Variants in CELF4 observed in about 807,000 individuals in gnomAD.
CELF4 encodes CUGBP Elav-like family member 4, also known as CUG-BP- and ETR-3-like factor 4.
Under a neutral mutation model 59.9 loss-of-function variants are expected in CELF4, and 18 were observed. The ratio of observed to expected loss-of-function variants is 0.30; its 90% CI spans 0.21 to 0.45. CELF4 has a LOEUF of 0.45. CELF4 is among the 20% of genes least tolerant of loss of function. The probability of loss-of-function intolerance (pLI) is 1.00; values close to 1 mark genes in which losing one functional copy is unlikely to be tolerated. For synonymous variants in CELF4, 261 were observed against 267.1 expected (o/e 0.98, Z 0.22); for missense variants, 456 against 689.0 (o/e 0.66, Z 3.79).
chr18:37,485,638 C>T, intron 1 of CELF4, 31 bp from the exon 2 acceptor site: 1 of 1,354,884 alleles, frequency 7.4e-7, no homozygotes, highest in Non-Finnish European at 9.6e-7. Context: ...CAAGAAGGGT[C>T]AGTGGGGCGC....
At chr18:37,541,875 A>C (rs1357314978) in intron 1 of CELF4, among the ~76,000 whole-genome samples, 1 of 152,146 alleles carries the variant, frequency 6.6e-6, no homozygotes, top group Non-Finnish European at 1.5e-5. Flanking sequence ...GGCCCCAGTC[A>C]TGCCTCATCC....
intron 2 of CELF4, among the ~76,000 whole-genome samples, chr18:37,355,016 G>A (rs1020847664): frequency 2.6e-5 from 4 of 152,216 alleles, no homozygotes; most frequent in African/African-American, 7.2e-5. Context: ...AGTTGATCAC[G>A]TGTGTGCCTA....
At chr18:37,343,447 T>TA (rs1458189808) in intron 2 of CELF4, among the ~76,000 whole-genome samples, 5 of 149,744 alleles carry the variant, frequency 3.3e-5, no homozygotes, top group Admixed American at 6.7e-5. Context: ...CCTGAAATCT[T>TA]AGAGGGCGCA....
chr18:37,305,806 A>C (rs2096362902), intron 3 of CELF4: 1 of 152,230 alleles, frequency 6.6e-6, no homozygotes, highest in Non-Finnish European at 1.5e-5. Context: ...GGGGGCTACT[A>C]AGGTAGGTTG....
At chr18:37,369,124 C>T (rs1465430052) in intron 2 of CELF4, among the ~76,000 whole-genome samples, 1 of 152,214 alleles carries the variant, frequency 6.6e-6, no homozygotes, top group Admixed American at 6.5e-5. Context: ...CCCCCAGGCC[C>T]TCCCATTAGC....
chr18:37,492,258 C>T (rs1053483740), intron 1 of CELF4, among the ~76,000 whole-genome samples: 1 of 152,112 alleles, frequency 6.6e-6, no homozygotes, highest in Non-Finnish European at 1.5e-5. Flanking sequence ...GAAGGGGCTC[C>T]CTGAAGGCCC....
At chr18:37,476,083 G>A (rs1450049195) in intron 2 of CELF4, among the ~76,000 whole-genome samples, 3 of 152,214 alleles carry the variant, frequency 2.0e-5, no homozygotes, top group Admixed American at 6.5e-5. Context: ...ATCCCCACTC[G>A]CATCATTGTT....
In CELF4 at chr18:37,243,167, C is replaced by CTTTTTTTT. The variant is rs150327345; in HGVS notation, c.*2067_*2074dup. 1.7e-5 allele frequency: 2 copies of CTTTTTTTT among 115,460 alleles called. No homozygotes were observed. The highest frequency in any genetic ancestry group is 3.9e-5 in the Non-Finnish European group (2 of 51,644). 7.2% of individuals were successfully genotyped at this position (115,460 alleles called of 1,614,324 possible). A position where few individuals can be genotyped will look rare whatever the true frequency, so the allele number is the denominator to read the frequency against. On this transcript the variant is annotated 3_prime_UTR_variant, in exon 13 of 13. Coordinates refer to ENST00000420428, the MANE Select transcript of CELF4 (RefSeq NM_020180.4). The stretch of plus-strand genomic sequence containing the variant: ...AGTTGTACTGAACTGCAGCTGTTTT[C>CTTTTTTTT]TTTTTTTTTTCTTTTTTTCTTTTTT...
At chr18:37,525,408 C>T (rs774546403) in intron 1 of CELF4, among the ~76,000 whole-genome samples, 3 of 152,158 alleles carry the variant, frequency 2.0e-5, no homozygotes, top group Non-Finnish European at 4.4e-5. Flanking sequence ...GTGCTCCTGG[C>T]GCCCTTCGGG....
At chr18:37,500,664 G>T (rs1013936944) in intron 1 of CELF4, among the ~76,000 whole-genome samples, 2 of 151,702 alleles carry the variant, frequency 1.3e-5, no homozygotes, top group Non-Finnish European at 1.5e-5. Context: ...CTCCCGAGTA[G>T]TTGGGACTAC....
chr18:37,266,046 T>A (rs528754263), intron 9 of CELF4, among the ~76,000 whole-genome samples: 1 of 152,226 alleles, frequency 6.6e-6, no homozygotes, highest in African/African-American at 2.4e-5. Flanking sequence ...TGGGGCCCCA[T>A]CCTGCTGCCA....
In CELF4 at chr18:37,245,497, A is replaced by G. The variant is rs1260419146; in HGVS notation, c.*45-300T>C. 3.3e-5 allele frequency among the ~76,000 whole-genome samples: 5 copies of G among 152,112 alleles called. No homozygotes were observed. The highest frequency in any genetic ancestry group is 1.2e-4 in the African/African-American group (5 of 41,412). ...AGCATTCTGGATTGGGGGTAGCTAC[A>G]TCTAAGGGGAGAATTTGGGACTGCG... On this transcript the variant is annotated intron_variant, in intron 12 of 12. Transcript: ENST00000420428. The surrounding 1 kb of genome is among the most constrained non-coding windows in gnomAD (Gnocchi z 4.1).
At chr18:37,503,796 T>G (rs2099934427) in intron 1 of CELF4, among the ~76,000 whole-genome samples, 1 of 151,956 alleles carries the variant, frequency 6.6e-6, no homozygotes, top group Non-Finnish European at 1.5e-5. Context: ...CAGCAGGGAG[T>G]ACTGAGAGCC....
rs548292745 is a variant in CELF4, at chr18:37,416,858, A to T, written c.369+68667T>A. Among the ~76,000 whole-genome samples, 10 of 152,288 alleles carry T rather than the reference A, an allele frequency of 6.6e-5. No homozygotes were observed. In the East Asian group the frequency reaches 1.9e-3, roughly 29 times the overall value. ...GCAATCAGGTAGGCTCAGAAGCAAG[A>T]CAGGTGGAAATGCTAGAGGTGGTAG... On this transcript the variant is annotated intron_variant, in intron 2 of 12. Transcript: ENST00000420428.
At chr18:37,459,207 T>C (rs1324165726) in intron 2 of CELF4, among the ~76,000 whole-genome samples, 1 of 152,208 alleles carries the variant, frequency 6.6e-6, no homozygotes, top group Non-Finnish European at 1.5e-5. Context: ...CTTGCGCTCA[T>C]AGGTTTTTGG....
intron 1 of CELF4, among the ~76,000 whole-genome samples, chr18:37,524,474 C>G (rs953098910): frequency 2.0e-5 from 3 of 152,168 alleles, no homozygotes; most frequent in Non-Finnish European, 4.4e-5. Flanking sequence ...AATGTTCTCC[C>G]CTGTTCCCAC....
At chr18:37,250,069 A>C (rs1418771732) in intron 12 of CELF4, among the ~76,000 whole-genome samples, 4 of 152,232 alleles carry the variant, frequency 2.6e-5, no homozygotes, top group African/African-American at 9.6e-5. Context: ...GTGTCTGGTA[A>C]GCAGTGGCGG....
intron 1 of CELF4, among the ~76,000 whole-genome samples, chr18:37,511,054 A>C (rs547951044): frequency 6.6e-6 from 1 of 152,248 alleles, no homozygotes. Context: ...TGTGTCCCCC[A>C]TCCCCCAGCG....
Position 37,408,014 on chromosome 18 carries a change from C to T in CELF4, c.369+77511G>A, listed in dbSNP as rs191139346. 3.9e-5 allele frequency among the ~76,000 whole-genome samples: 6 copies of T among 152,182 alleles called. No individual in the cohort carries two copies. The East Asian group carries it at 9.7e-4, about 24-fold the overall frequency. Reference sequence around the variant, plus strand: ...GGTTAAACCGCAACACTGTGTGTACCGAAATTTGGCTGGCACAGAATACTA... The same window carrying T: ...GGTTAAACCGCAACACTGTGTGTACTGAAATTTGGCTGGCACAGAATACTA... On this transcript the variant is annotated intron_variant, in intron 2 of 12. Coordinates refer to ENST00000420428, the MANE Select transcript of CELF4 (RefSeq NM_020180.4).
Sources: gnomAD v4.1 joint callset for allele counts (sites outside exome capture counted in the v4.1 genomes callset) on GRCh38, gnomAD v4.1.1 for gene constraint, Gnocchi (gnomAD v3.1) non-coding constraint, MANE v1.5 for transcripts, NCBI Gene and HGNC (gene_info 2026-07-23, HGNC 2026-07-21) for gene names.